TMCO4: variants seen among roughly 807,000 people sequenced by gnomAD.
TMCO4 encodes the protein transmembrane and coiled-coil domains 4, also known as transmembrane and coiled-coil domain-containing protein 4.
In TMCO4, 58 loss-of-function variants were observed where a neutral mutation model predicts 64.7. That is an observed-to-expected ratio of 0.90 (90% CI 0.73 to 1.12). The LOEUF (loss-of-function observed/expected upper bound fraction) is 1.12, where lower values mean the gene tolerates loss of function less well. Ranked by LOEUF, TMCO4 falls within the 50% of genes most tolerant of loss-of-function variation. The probability of loss-of-function intolerance (pLI) is 0.00; values close to 1 mark genes in which losing one functional copy is unlikely to be tolerated. For synonymous variants in TMCO4, 325 were observed against 346.1 expected, an observed-to-expected ratio of 0.94 and a Z score of 0.68; for missense variants, 780 against 825.9, an observed-to-expected ratio of 0.94 and a Z score of 0.68.
At chr1:19,773,435 C>T (rs550278041) in intron 4 of TMCO4, among the ~76,000 whole-genome samples, 3 of 152,194 alleles carry the variant, frequency 2.0e-5, no homozygotes, top group South Asian at 4.1e-4. Context: ...CTGTCTCCAG[C>T]GGGGTGAGAG....
chr1:19,704,858 A>G (rs1263873921), intron 13 of TMCO4, among the ~76,000 whole-genome samples: 1 of 152,172 alleles, frequency 6.6e-6, no homozygotes, highest in East Asian at 1.9e-4. Context: ...AATAGTCCTG[A>G]GCACAGCCAA....
At chr1:19,703,654 C>T (rs1407225141) in intron 13 of TMCO4, among the ~76,000 whole-genome samples, 1 of 151,412 alleles carries the variant, frequency 6.6e-6, no homozygotes, top group African/African-American at 2.4e-5. Flanking sequence ...TTCAAGCGAT[C>T]CTCCTGCCTC....
At chr1:19,729,492 G>A (rs373236644) in intron 13 of TMCO4, among the ~76,000 whole-genome samples, 6 of 151,146 alleles carry the variant, frequency 4.0e-5, no homozygotes, top group South Asian at 2.1e-4. Context: ...AAGCCCTGGC[G>A]CAGTGGCTCA....
At chr1:19,771,217 C>T (rs1557599372) in intron 5 of TMCO4, 91 bp downstream of exon 5, 1 of 1,402,350 alleles carries the variant, frequency 7.1e-7, no homozygotes, top group East Asian at 2.3e-5. Context: ...CCAACTGCTC[C>T]ACCCCACTAG....
chr1:19,716,262 GC>G (rs1326058513), intron 13 of TMCO4, among the ~76,000 whole-genome samples: 1 of 150,478 alleles, frequency 6.6e-6, no homozygotes, highest in Admixed American at 6.6e-5. Context: ...TCTGCTCACT[GC>G]AACCTCTGCC....
chr1:19,750,336 C>T (rs1197230533), intron 7 of TMCO4: 1 of 152,120 alleles, frequency 6.6e-6, no homozygotes, highest in Admixed American at 6.5e-5. Context: ...GCTGAGTCAG[C>T]GGCATCTTGA....
At position 19,745,225 on chromosome 1, in the gene TMCO4, T is replaced by G. The variant is rs188094563; in HGVS notation, c.877+307A>C. ...ATGGATGGATGGATAGATAGAAGGG[T>G]GGTTAAGTGGGTGGGTAGATGGATG... On this transcript the variant is annotated intron_variant, in intron 10 of 15. Transcript: ENST00000294543. 1.6e-3 allele frequency among the ~76,000 whole-genome samples: 210 copies of G among 132,196 alleles called. 4 individuals are homozygous for G. The East Asian group carries it at 0.042, about 27-fold the overall frequency. 86.7% of individuals were successfully genotyped at this position (132,196 alleles called of 152,430 possible).
At chr1:19,783,202 C>A (rs2043574495) in intron 3 of TMCO4, among the ~76,000 whole-genome samples, 1 of 152,192 alleles carries the variant, frequency 6.6e-6, no homozygotes, top group Non-Finnish European at 1.5e-5. Context: ...TCTCAGCAGA[C>A]TCTAGAGGCA....
intron 13 of TMCO4, among the ~76,000 whole-genome samples, chr1:19,715,885 G>C (rs1052364832): frequency 6.6e-6 from 1 of 152,162 alleles, no homozygotes; most frequent in Non-Finnish European, 1.5e-5. Context: ...CGGAGGGAGC[G>C]CCCTGGGAGT....
chr1:19,690,484 C>A (rs531874343), intron 15 of TMCO4, among the ~76,000 whole-genome samples: 34 of 152,370 alleles, frequency 2.2e-4, no homozygotes, highest in Non-Finnish European at 3.5e-4. Context: ...GGCCACAGGC[C>A]CAGCATGGAG....
intron 13 of TMCO4, among the ~76,000 whole-genome samples, chr1:19,724,822 C>T (rs1248997836): frequency 6.6e-6 from 1 of 152,058 alleles, no homozygotes; most frequent in Non-Finnish European, 1.5e-5. Flanking sequence ...AGTGCAGTGG[C>T]ACAATCTCTG....
intron 10 of TMCO4, 60 bp from the exon 11 acceptor site, chr1:19,741,001 A>G (rs1044727551): frequency 6.7e-7 from 1 of 1,503,442 alleles, no homozygotes; most frequent in South Asian, 1.3e-5. Flanking sequence ...GCCCCACCCC[A>G]GTACCCCAGA....
Position 19,771,410 on chromosome 1 carries a change from C to T in TMCO4, c.252G>A (p.Met84Ile), listed in dbSNP as rs775338251. 6.2e-7 allele frequency: 1 copy of T among 1,614,180 alleles called. No homozygotes were observed. Among genetic ancestry groups the T allele is most frequent in the Non-Finnish European group, 8.5e-7 (1 of 1,180,044 alleles). ...LELSEAVLPT[M>I]TAFASGLGGE... The stretch of plus-strand genomic sequence containing the variant: ...CTCCCAGGCCGCTCGCAAAAGCAGT[C>T]ATGGTTGGCAAGACAGCTTCAGACA... Residue 84 changes from methionine (M) to isoleucine (I), a missense_variant, in exon 5 of 16, where the codon ATG becomes ATA. Coordinates refer to ENST00000294543, the MANE Select transcript of TMCO4 (RefSeq NM_181719.7).
rs1193808581 is a variant in TMCO4, at chr1:19,732,905, A to G, written c.1264+4467T>C. ...CTAGTTTCTTCTTCTTTTAAAATGT[A>G]GAGGTTTTCTTTTTTTCTTTCTTCT... On this transcript the variant is annotated intron_variant, in intron 13 of 15. Coordinates refer to ENST00000294543, the MANE Select transcript of TMCO4 (RefSeq NM_181719.7). This position sits in a 1 kb window ranked among gnomAD's most constrained non-coding sequence, Gnocchi z 4.8. Among the ~76,000 whole-genome samples, 1 of 151,958 alleles carries G rather than the reference A, an allele frequency of 6.6e-6. No individual in the cohort carries two copies. Among genetic ancestry groups the G allele is most frequent in the African/African-American group, 2.4e-5 (1 of 41,360 alleles).
rs1259652787 is a variant in TMCO4 at position 19,732,736 on chromosome 1, A to T, written c.1264+4636T>A. On this transcript the variant is annotated intron_variant, in intron 13 of 15. Transcript: ENST00000294543. The surrounding 1 kb of genome is among the most constrained non-coding windows in gnomAD (Gnocchi z 4.8). ...GGAGACCCTGTCTTTAAAAAAATGA[A>T]GAATGTGTTTAGAGTTTTCTGGGCC... Among the ~76,000 whole-genome samples the T allele has an allele frequency of 6.6e-6, 1 of 151,868 alleles. No homozygotes were observed. The highest frequency in any genetic ancestry group is 2.4e-5 in the African/African-American group (1 of 41,360).
At chr1:19,683,475 G>T in intron 15 of TMCO4, 31 bp from the exon 16 acceptor site, 1 of 1,608,508 alleles carries the variant, frequency 6.2e-7, no homozygotes. Context: ...GCACCACCGT[G>T]GGTGTGCAGA....
intron 2 of TMCO4, among the ~76,000 whole-genome samples, chr1:19,792,234 G>A (rs767115529): frequency 6.6e-6 from 1 of 152,160 alleles, no homozygotes; most frequent in East Asian, 1.9e-4. Flanking sequence ...AAGAGGATGC[G>A]ATCTCCAGGG....
chr1:19,711,793 G>T (rs1285304485), intron 13 of TMCO4, among the ~76,000 whole-genome samples: 5 of 152,176 alleles, frequency 3.3e-5, no homozygotes, highest in Admixed American at 3.3e-4. Context: ...GAGTAGCTGG[G>T]ATTACAGGCA....
chr1:19,770,429 A>G, intron 6 of TMCO4, 113 bp downstream of exon 6: 1 of 1,149,982 alleles, frequency 8.7e-7, no homozygotes, highest in Non-Finnish European at 1.3e-6. Flanking sequence ...TCCTTCCTGA[A>G]GTCAAAAGAC....
Sources: allele counts gnomAD v4.1 joint callset (sites outside exome capture counted in the v4.1 genomes callset), GRCh38; gene constraint gnomAD v4.1.1; non-coding constraint Gnocchi (gnomAD v3.1); transcripts MANE v1.5; gene names NCBI Gene and HGNC (gene_info 2026-07-23, HGNC 2026-07-21).